Variants in GAN observed in about 807,000 individuals in gnomAD.
The protein encoded by GAN is gigaxonin, also known as epididymis secretory sperm binding protein.
Under a neutral mutation model 71.3 loss-of-function variants are expected in GAN, and 48 were observed. The observed-to-expected ratio is 0.67, with a 90% CI of 0.53 to 0.86. The LOEUF is 0.86. Among genes scored for constraint, GAN ranks in the 40% least tolerant of loss-of-function variants. GAN has a pLI of 0.00. For synonymous variants in GAN, 386 were observed against 276.8 expected (o/e 1.39, Z -3.92); for missense variants, 928 against 770.1 (o/e 1.21, Z -2.43).
In GAN at chr16:81,381,807, A is replaced by G. The variant is rs1904306596; in HGVS notation, c.*4211A>G. The G allele has an allele frequency of 1.3e-5, 2 of 152,202 alleles. No homozygotes were observed. Among genetic ancestry groups the G allele is most frequent in the Admixed American group, 6.5e-5 (1 of 15,278 alleles). 9.4% of individuals were successfully genotyped at this position (152,202 alleles called of 1,614,324 possible). A position where few individuals can be genotyped will look rare whatever the true frequency, so the allele number is the denominator to read the frequency against. ...CTTCTGTTGAAAAGGGCACTCCAAG[A>G]GTGACTGATTTTACTGGGTTTTCAG... On this transcript the variant is annotated 3_prime_UTR_variant, in exon 11 of 11. Coordinates refer to ENST00000648994, the MANE Select transcript of GAN (RefSeq NM_022041.4).
At chr16:81,323,739 G>A (rs11150383) in intron 1 of GAN, among the ~76,000 whole-genome samples, 87,305 of 152,064 alleles carry the variant, frequency 0.57, 27,391 homozygotes, top group Middle Eastern at 0.75. Context: ...CAAGATGGTG[G>A]CAACGAACTG....
At chr16:81,331,560 T>C (rs759096537) in intron 1 of GAN, among the ~76,000 whole-genome samples, 2 of 152,140 alleles carry the variant, frequency 1.3e-5, no homozygotes, top group Non-Finnish European at 2.9e-5. Flanking sequence ...GAAAACCAAA[T>C]TCCTAAGGAG....
chr16:81,346,871 T>C (rs1365201699), intron 1 of GAN, among the ~76,000 whole-genome samples: 1 of 152,162 alleles, frequency 6.6e-6, no homozygotes, highest in Admixed American at 6.5e-5. Flanking sequence ...TCCTCCAGTG[T>C]CTCTCCAGTG....
chr16:81,375,435 C>G (rs1025094222), intron 9 of GAN, among the ~76,000 whole-genome samples: 1 of 147,256 alleles, frequency 6.8e-6, no homozygotes, highest in Non-Finnish European at 1.5e-5. Flanking sequence ...CTCCTTGACT[C>G]AAGCAATCCT....
At chr16:81,339,305 G>A (rs941544919) in intron 1 of GAN, among the ~76,000 whole-genome samples, 1 of 152,158 alleles carries the variant, frequency 6.6e-6, no homozygotes, top group African/African-American at 2.4e-5. Context: ...GAAGCACTGG[G>A]CCTTAATCCT....
chr16:81,329,312 A>G (rs1567480655), intron 1 of GAN, among the ~76,000 whole-genome samples: 1 of 152,212 alleles, frequency 6.6e-6, no homozygotes, highest in East Asian at 1.9e-4. Context: ...GGAAGCATAG[A>G]TTCATTCAGG....
chr16:81,369,752 C>T (rs1355155435), intron 9 of GAN, among the ~76,000 whole-genome samples: 2 of 152,168 alleles, frequency 1.3e-5, no homozygotes, highest in African/African-American at 2.4e-5. Context: ...CCACCGCGCC[C>T]AGCTAATTTT....
intron 1 of GAN, among the ~76,000 whole-genome samples, chr16:81,340,958 G>T (rs1909921568): frequency 1.3e-5 from 2 of 151,944 alleles, no homozygotes; most frequent in South Asian, 2.1e-4. Flanking sequence ...ATGACCTGAT[G>T]GAGCTGAAAA....
At chr16:81,332,408 T>C (rs1909612666) in intron 1 of GAN, among the ~76,000 whole-genome samples, 1 of 152,202 alleles carries the variant, frequency 6.6e-6, no homozygotes, top group African/African-American at 2.4e-5. Context: ...TTGACTCATA[T>C]TTAACTGGGT....
chr16:81,324,488 A>G (rs1031710685), intron 1 of GAN, among the ~76,000 whole-genome samples: 24 of 152,154 alleles, frequency 1.6e-4, no homozygotes, highest in African/African-American at 5.8e-4. Context: ...TGGCACCAGG[A>G]CTAGGTCAGG....
At position 81,386,288 on chromosome 16, in the gene GAN, T is replaced by C. The variant is rs571212374; in HGVS notation, c.*8692T>C. On this transcript the variant is annotated 3_prime_UTR_variant, in exon 11 of 11. Coordinates refer to ENST00000648994, the MANE Select transcript of GAN (RefSeq NM_022041.4). ...GAAATAGCAAAGGTAGTAATCTGTA[T>C]TGGTCAAAGAAACGAGATAATTCCT... The C allele has an allele frequency of 1.1e-3, 162 of 152,362 alleles. 1 individual carries two copies. Among genetic ancestry groups the C allele is most frequent in the Non-Finnish European group, 1.5e-3 (104 of 68,034 alleles). The allele number at this position is 152,362 out of a possible 1,614,324, so 9.4% of individuals were successfully genotyped here.
intron 2 of GAN, among the ~76,000 whole-genome samples, chr16:81,351,963 T>A (rs762331159): frequency 8.5e-5 from 13 of 152,174 alleles, no homozygotes; most frequent in Non-Finnish European, 1.6e-4. Flanking sequence ...TCATATGAGA[T>A]ATTAAAGAAC....
At chr16:81,325,483 G>A (rs989466995) in intron 1 of GAN, among the ~76,000 whole-genome samples, 5 of 152,152 alleles carry the variant, frequency 3.3e-5, no homozygotes, top group Non-Finnish European at 5.9e-5. Context: ...CTAGCATGCC[G>A]GGTTATTGGT....
chr16:81,366,137 G>C (rs1456014954), intron 9 of GAN, among the ~76,000 whole-genome samples: 1 of 152,120 alleles, frequency 6.6e-6, no homozygotes. Context: ...ATGCCTCCTA[G>C]TCTGATTTTT....
At chr16:81,349,210 C>T (rs1187685026) in intron 1 of GAN, among the ~76,000 whole-genome samples, 3 of 152,056 alleles carry the variant, frequency 2.0e-5, no homozygotes, top group Admixed American at 6.6e-5. Flanking sequence ...ACCCCGTCCT[C>T]ACCTACCCTG....
intron 2 of GAN, among the ~76,000 whole-genome samples, chr16:81,352,651 C>G (rs926638772): frequency 6.6e-6 from 1 of 152,142 alleles, no homozygotes; most frequent in African/African-American, 2.4e-5. Flanking sequence ...TAAATATATT[C>G]ATTCTGTCCA....
intron 3 of GAN, among the ~76,000 whole-genome samples, chr16:81,355,413 T>G (rs771519083): frequency 6.6e-6 from 1 of 152,202 alleles, no homozygotes; most frequent in Non-Finnish European, 1.5e-5. Context: ...TGAAGGGCAG[T>G]AGCCAGAGTG....
At chr16:81,362,888 C>G (rs967546807) in intron 6 of GAN, among the ~76,000 whole-genome samples, 1 of 152,212 alleles carries the variant, frequency 6.6e-6, no homozygotes, top group Admixed American at 6.5e-5. Flanking sequence ...GCCCCCTCCT[C>G]GCAGCACCTT....
At position 81,373,244 on chromosome 16, in the gene GAN, G is replaced by T. The variant is rs1398983586; in HGVS notation, c.1503-3975G>T. Among the ~76,000 whole-genome samples, 4 of 152,220 alleles carry T rather than the reference G, an allele frequency of 2.6e-5. 1 individual carries two copies. The highest frequency in any genetic ancestry group is 6.3e-3 in the Middle Eastern group (2 of 316). ...ATGATGGAGTGATGACCATATGACT[G>T]TGTGCTCCAGTGAGGGTAGGCCTGG... On this transcript the variant is annotated intron_variant, in intron 9 of 10. Coordinates refer to ENST00000648994, the MANE Select transcript of GAN (RefSeq NM_022041.4).
Sources: gnomAD v4.1 joint callset for allele counts (sites outside exome capture counted in the v4.1 genomes callset) on GRCh38, gnomAD v4.1.1 for gene constraint, MANE v1.5 for transcripts, NCBI Gene and HGNC (gene_info 2026-07-23, HGNC 2026-07-21) for gene names.